CPED1: variants seen among roughly 807,000 people sequenced by gnomAD.
CPED1 encodes the protein cadherin like and PC-esterase domain containing 1.
Under a neutral mutation model 128.2 loss-of-function variants are expected in CPED1, and 114 were observed. The ratio of observed to expected loss-of-function variants is 0.89; its 90% CI spans 0.76 to 1.04. The LOEUF is 1.04. Ranked by LOEUF, CPED1 falls within the 50% of genes least tolerant of loss-of-function variation. The probability of loss-of-function intolerance (pLI) is 0.00; values close to 1 mark genes in which losing one functional copy is unlikely to be tolerated. For missense variants in CPED1, 1,211 were observed against 1,207.1 expected, an observed-to-expected ratio of 1.00 and a Z score of -0.05; for synonymous variants, 462 against 426.7, an observed-to-expected ratio of 1.08 and a Z score of -1.02.
intron 7 of CPED1, among the ~76,000 whole-genome samples, chr7:121,115,007 A>G (rs528209866): frequency 4.3e-4 from 65 of 152,334 alleles, no homozygotes; most frequent in African/African-American, 1.2e-3. Flanking sequence ...AGATAAGTTC[A>G]GCTACAATTG....
At chr7:121,008,775 T>A (rs146275672) in intron 2 of CPED1, among the ~76,000 whole-genome samples, 17 of 152,028 alleles carry the variant, frequency 1.1e-4, no homozygotes, top group Non-Finnish European at 2.4e-4. Flanking sequence ...GCCCTCCTAG[T>A]GAGGGCTAGA....
rs879392334 is a variant in CPED1, at chr7:121,251,823, C to G, written c.2310+7485C>G. On this transcript the variant is annotated intron_variant, in intron 18 of 22. Coordinates refer to ENST00000310396, the MANE Select transcript of CPED1 (RefSeq NM_024913.5). ...TCAAGGAAATAAAAGAGGATACAAA[C>G]AAATGGAAAAACATTCCATGCTCAT... 8.0e-3 allele frequency among the ~76,000 whole-genome samples: 1,146 copies of G among 143,206 alleles called. 4 individuals carry two copies. Among genetic ancestry groups the G allele is most frequent in the Middle Eastern group, 0.021 (6 of 284 alleles). The allele number at this position is 143,206 out of a possible 152,430, so 93.9% of individuals were successfully genotyped here.
chr7:121,128,826 T>C (rs555483704), intron 11 of CPED1, among the ~76,000 whole-genome samples: 3 of 152,148 alleles, frequency 2.0e-5, no homozygotes, highest in African/African-American at 7.2e-5. Context: ...CCAAAAGTTA[T>C]TTCTGCTTAT....
chr7:121,120,741 C>A (rs951360817), intron 7 of CPED1, among the ~76,000 whole-genome samples: 1 of 151,862 alleles, frequency 6.6e-6, no homozygotes. Flanking sequence ...TTACAAGACA[C>A]CAGAAAAATT....
In CPED1 at chr7:121,190,046, G is replaced by T. The variant is rs1204266071; in HGVS notation, c.2056-46668G>T. On this transcript the variant is annotated intron_variant, in intron 16 of 22. Coordinates refer to ENST00000310396, the MANE Select transcript of CPED1 (RefSeq NM_024913.5). The stretch of plus-strand genomic sequence containing the variant: ...CATTAGGGTTGAAGAAACAGTTAAA[G>T]AATTTTAACAAGTAAATATATAATA... 2.6e-5 allele frequency among the ~76,000 whole-genome samples: 4 copies of T among 151,616 alleles called. No individual in the cohort carries two copies. The South Asian group carries it at 8.3e-4, about 32-fold the overall frequency.
intron 2 of CPED1, among the ~76,000 whole-genome samples, chr7:121,009,778 A>G (rs1220863245): frequency 6.6e-6 from 1 of 152,170 alleles, no homozygotes; most frequent in Non-Finnish European, 1.5e-5. Context: ...TGTCTAAGAT[A>G]TGGCCATTGG....
intron 16 of CPED1, among the ~76,000 whole-genome samples, chr7:121,226,640 T>A (rs1189152255): frequency 2.0e-5 from 3 of 152,116 alleles, no homozygotes; most frequent in African/African-American, 7.2e-5. Flanking sequence ...TAAATTTATA[T>A]GCAATTATTT....
chr7:121,171,073 T>A (rs571632263), intron 16 of CPED1, among the ~76,000 whole-genome samples: 214 of 149,400 alleles, frequency 1.4e-3, no homozygotes, highest in African/African-American at 5.0e-3. Flanking sequence ...AAAAAAAAAA[T>A]AAGAAAATTC....
intron 16 of CPED1, among the ~76,000 whole-genome samples, chr7:121,144,330 A>C (rs1477745359): frequency 2.0e-5 from 3 of 152,258 alleles, no homozygotes; most frequent in South Asian, 2.1e-4. Context: ...AATGTGGTAC[A>C]TATATACAAT....
chr7:121,161,007 G>GA (rs1285767086), intron 16 of CPED1, among the ~76,000 whole-genome samples: 7 of 152,012 alleles, frequency 4.6e-5, no homozygotes, highest in African/African-American at 1.4e-4. Flanking sequence ...AAATCAAAAG[G>GA]AAAAAATTTA....
At chr7:121,049,468 C>T (rs2116912483) in intron 4 of CPED1, among the ~76,000 whole-genome samples, 1 of 152,310 alleles carries the variant, frequency 6.6e-6, no homozygotes, top group East Asian at 1.9e-4. Context: ...CCAGTGCCTC[C>T]CATTGGTCCG....
At chr7:121,006,254 G>A (rs1424037219) in intron 2 of CPED1, among the ~76,000 whole-genome samples, 1 of 151,910 alleles carries the variant, frequency 6.6e-6, no homozygotes, top group Non-Finnish European at 1.5e-5. Flanking sequence ...GTCTTTCCTT[G>A]TCCTCTGCTT....
intron 2 of CPED1, among the ~76,000 whole-genome samples, chr7:120,994,657 G>GTGTGTGTGTGTGTGTGTGTGT (rs148572524): frequency 6.7e-6 from 1 of 149,196 alleles, no homozygotes; most frequent in African/African-American, 2.5e-5. Flanking sequence ...GTGTGTGTGT[G>GTGTGTGTGTGTGTGTGTGTGT]TGTTGTTGTT....
rs866132139 is a variant in CPED1 at position 121,097,607 on chromosome 7, C to T, written c.617-92C>T. The T allele has an allele frequency of 5.4e-5, 75 of 1,394,712 alleles. No individual in the cohort carries two copies. The African/African-American group carries it at 9.0e-4, about 17-fold the overall frequency. 86.4% of individuals were successfully genotyped at this position (1,394,712 alleles called of 1,614,324 possible). A position where few individuals can be genotyped will look rare whatever the true frequency, so the allele number is the denominator to read the frequency against. ...AAAATGGTTGCATATTTCTCATGTA[C>T]CCTGCAGTTTAATACAGCATACTCT... On this transcript the variant is annotated intron_variant, in intron 5 of 22. Coordinates refer to ENST00000310396, the MANE Select transcript of CPED1 (RefSeq NM_024913.5).
At chr7:121,132,668 A>G (rs12706315) in intron 12 of CPED1, among the ~76,000 whole-genome samples, 150,161 of 152,128 alleles carry the variant, frequency 0.99, 74,141 homozygotes, top group East Asian at 1. Flanking sequence ...ATTGTACATT[A>G]CTCTAAGGAA....
intron 4 of CPED1, among the ~76,000 whole-genome samples, chr7:121,050,099 G>A (rs1793308648): frequency 6.6e-6 from 1 of 152,116 alleles, no homozygotes; most frequent in Non-Finnish European, 1.5e-5. Flanking sequence ...GGTTATAAGT[G>A]GAATCACCCA....
chr7:121,048,399 A>G (rs915320606), intron 4 of CPED1, among the ~76,000 whole-genome samples: 1 of 152,180 alleles, frequency 6.6e-6, no homozygotes, highest in African/African-American at 2.4e-5. Context: ...CCCAAGATAG[A>G]AATTACCCAC....
intron 3 of CPED1, among the ~76,000 whole-genome samples, chr7:121,022,445 C>T (rs190809156): frequency 4.4e-4 from 67 of 152,062 alleles, no homozygotes; most frequent in African/African-American, 1.3e-3. Context: ...TCTTGCCTTG[C>T]TTTCAAGGCT....
chr7:121,217,885 G>T (rs1276442937), intron 16 of CPED1, among the ~76,000 whole-genome samples: 1 of 152,008 alleles, frequency 6.6e-6, no homozygotes, highest in Non-Finnish European at 1.5e-5. Flanking sequence ...TACTGGAGGT[G>T]TGTACCTGTG....
Sources: allele counts gnomAD v4.1 joint callset (sites outside exome capture counted in the v4.1 genomes callset), GRCh38; gene constraint gnomAD v4.1.1; transcripts MANE v1.5; gene names NCBI Gene and HGNC (gene_info 2026-07-23, HGNC 2026-07-21).